SLCO3A1: variants seen among roughly 807,000 people sequenced by gnomAD.
The protein encoded by SLCO3A1 is PGE1 transporter.
SLCO3A1 carries 27 observed loss-of-function variants against 63.1 expected under a neutral mutation model. That is an observed-to-expected ratio of 0.43 (90% CI 0.32 to 0.59). SLCO3A1 has a LOEUF of 0.59. Among genes scored for constraint, SLCO3A1 ranks in the 20% least tolerant of loss-of-function variants. The pLI is 0.09. For missense variants in SLCO3A1, 773 were observed against 945.8 expected, an observed-to-expected ratio of 0.82 and a Z score of 2.40; for synonymous variants, 473 against 409.9, an observed-to-expected ratio of 1.15 and a Z score of -1.86.
At chr15:91,993,332 A>G (rs1222172822) in intron 2 of SLCO3A1, among the ~76,000 whole-genome samples, 1 of 152,228 alleles carries the variant, frequency 6.6e-6, no homozygotes, top group African/African-American at 2.4e-5. Context: ...AAAGTTACAG[A>G]GCACTTTTGG....
At position 91,853,959 on chromosome 15, in the gene SLCO3A1, G is replaced by A. The variant is rs778504539; in HGVS notation, c.51G>A (p.Glu17=). 3.4e-6 allele frequency: 5 copies of A among 1,487,502 alleles called. No homozygotes were observed. The highest frequency in any genetic ancestry group is 3.6e-6 in the Non-Finnish European group (4 of 1,114,380). The allele number at this position is 1,487,502 out of a possible 1,614,324, so 92.1% of individuals were successfully genotyped here. Residue 17 remains glutamate (E), a synonymous_variant, in exon 1 of 10, where the codon GAG becomes GAA. Coordinates refer to ENST00000318445, the MANE Select transcript of SLCO3A1 (RefSeq NM_013272.4). ...GGSSGGGRSG[E]LQGDEAQRNK... ...CGTCGGGCGGCGGCCGGAGCGGCGA[G>A]CTGCAGGGGGACGAGGCGCAGAGGA... is the stretch of plus-strand genomic sequence containing the variant.
chr15:91,935,935 A>C (rs370555537), intron 2 of SLCO3A1, among the ~76,000 whole-genome samples: 13 of 152,208 alleles, frequency 8.5e-5, no homozygotes, highest in African/African-American at 3.1e-4. Flanking sequence ...TAATTATTAA[A>C]GTTTGCACAG....
intron 4 of SLCO3A1, among the ~76,000 whole-genome samples, chr15:92,119,175 G>T (rs1361864318): frequency 1.3e-5 from 2 of 152,192 alleles, no homozygotes; most frequent in East Asian, 3.8e-4. Flanking sequence ...AGACTTGGCT[G>T]AAGACCACAT....
chr15:92,146,382 C>G (rs1259363728), intron 7 of SLCO3A1, among the ~76,000 whole-genome samples: 2 of 152,210 alleles, frequency 1.3e-5, no homozygotes, highest in African/African-American at 4.8e-5. Flanking sequence ...GCTCTGCTCC[C>G]CACGAGCTGC....
At chr15:92,003,252 C>T (rs71411124) in intron 2 of SLCO3A1, among the ~76,000 whole-genome samples, 18,464 of 152,164 alleles carry the variant, frequency 0.12, 1,187 homozygotes, top group Non-Finnish European at 0.14. Flanking sequence ...AAATGTTTGT[C>T]GAGTGCACTT....
intron 8 of SLCO3A1, chr15:92,149,831 C>T (rs543122119): frequency 6.6e-6 from 1 of 152,306 alleles, no homozygotes; most frequent in South Asian, 2.1e-4. Flanking sequence ...ACTCATTATA[C>T]CAGTGTGCTT....
intron 2 of SLCO3A1, among the ~76,000 whole-genome samples, chr15:92,024,237 GT>G (rs1165260853): frequency 3.9e-5 from 6 of 151,986 alleles, no homozygotes; most frequent in Non-Finnish European, 5.9e-5. Flanking sequence ...TCATCTCAGT[GT>G]TTTTTTTCTT....
In SLCO3A1 at chr15:92,165,157, A is replaced by T; in HGVS notation, c.*2022A>T. On this transcript the variant is annotated 3_prime_UTR_variant, in exon 10 of 10. Coordinates refer to ENST00000318445, the MANE Select transcript of SLCO3A1 (RefSeq NM_013272.4). ...GGCACTCAGCAAGACCAACCAAAAG[A>T]AAAGCTGTGTCGTGGTATGGGGCCA... The T allele has an allele frequency of 1.0e-6, 1 of 985,442 alleles. No individual in the cohort carries two copies. Among genetic ancestry groups the T allele is most frequent in the Non-Finnish European group, 1.2e-6 (1 of 829,940 alleles). The allele number at this position is 985,442 out of a possible 1,614,324, so 61.0% of individuals were successfully genotyped here.
intron 9 of SLCO3A1, among the ~76,000 whole-genome samples, chr15:92,157,570 A>G (rs1041991445): frequency 6.0e-5 from 9 of 151,210 alleles, no homozygotes; most frequent in Non-Finnish European, 8.8e-5. Context: ...GGCTCACTGC[A>G]ATCTCTGCCT....
intron 2 of SLCO3A1, among the ~76,000 whole-genome samples, chr15:92,092,551 T>C (rs1310394794): frequency 6.6e-6 from 1 of 152,090 alleles, no homozygotes; most frequent in Non-Finnish European, 1.5e-5. Flanking sequence ...TACCACAGCC[T>C]GCAGCCTGGA....
Position 92,144,187 on chromosome 15 carries a change from C to G in SLCO3A1, c.1513-2797C>G, listed in dbSNP as rs368493187. On this transcript the variant is annotated intron_variant, in intron 7 of 9. Transcript: ENST00000318445. ...TACCCTTCACAGTTCCCAGTTGGGA[C>G]AGACCCCTGTAACCTAAGACAGATT... is the stretch of plus-strand genomic sequence containing the variant. 2.0e-3 allele frequency among the ~76,000 whole-genome samples: 303 copies of G among 152,346 alleles called. 1 individual carries two copies. The highest frequency in any genetic ancestry group is 6.9e-3 in the African/African-American group (289 of 41,586).
intron 7 of SLCO3A1, among the ~76,000 whole-genome samples, chr15:92,142,109 C>A (rs960133630): frequency 6.6e-5 from 10 of 152,220 alleles, no homozygotes; most frequent in Non-Finnish European, 1.2e-4. Flanking sequence ...TTGCCTAGAA[C>A]CTTTAGGAGA....
At chr15:92,126,833 T>G (rs1375458281) in intron 6 of SLCO3A1, among the ~76,000 whole-genome samples, 2 of 152,226 alleles carry the variant, frequency 1.3e-5, no homozygotes, top group Non-Finnish European at 2.9e-5. Flanking sequence ...GAGGGAATTA[T>G]GGGGAGTCTT....
chr15:91,932,480 C>G (rs1417501580), intron 2 of SLCO3A1, among the ~76,000 whole-genome samples: 1 of 151,826 alleles, frequency 6.6e-6, no homozygotes, highest in East Asian at 1.9e-4. Flanking sequence ...GGGTCTTGCT[C>G]TATTGCCCAG....
rs2048467896 is a variant in SLCO3A1 at position 92,163,584 on chromosome 15, CAT to C, written c.*450_*451del. The C allele has an allele frequency of 1.0e-6, 1 of 983,706 alleles. No individual in the cohort carries two copies. The highest frequency in any genetic ancestry group is 1.2e-6 in the Non-Finnish European group (1 of 829,412). 60.9% of individuals were successfully genotyped at this position (983,706 alleles called of 1,614,324 possible). A position where few individuals can be genotyped will look rare whatever the true frequency, so the allele number is the denominator to read the frequency against. ...AAAAAAAAAACCCACAAGTTGAAAA[CAT>C]TGCCAGATTAAGCACTAGTGACACA... is the stretch of plus-strand genomic sequence containing the variant. On this transcript the variant is annotated 3_prime_UTR_variant, in exon 10 of 10. Coordinates refer to ENST00000318445, the MANE Select transcript of SLCO3A1 (RefSeq NM_013272.4).
chr15:92,099,075 T>A (rs2047573150), intron 3 of SLCO3A1, among the ~76,000 whole-genome samples: 1 of 152,228 alleles, frequency 6.6e-6, no homozygotes, highest in Non-Finnish European at 1.5e-5. Context: ...AAGGCCTTGC[T>A]GAGATGGCCT....
chr15:91,929,222 G>T (rs1899137313), intron 2 of SLCO3A1, among the ~76,000 whole-genome samples: 1 of 152,196 alleles, frequency 6.6e-6, no homozygotes, highest in Non-Finnish European at 1.5e-5. Flanking sequence ...GTTACACGAT[G>T]GATGGATTGG....
At chr15:91,855,975 G>C (rs954376306) in intron 1 of SLCO3A1, among the ~76,000 whole-genome samples, 8 of 152,016 alleles carry the variant, frequency 5.3e-5, no homozygotes, top group African/African-American at 1.7e-4. Flanking sequence ...CGGTTGCAGT[G>C]ATCTAAGGAT....
At chr15:92,101,092 C>G (rs530983309) in intron 3 of SLCO3A1, among the ~76,000 whole-genome samples, 2 of 152,182 alleles carry the variant, frequency 1.3e-5, no homozygotes, top group Non-Finnish European at 2.9e-5. Flanking sequence ...CCTCTTCCAG[C>G]CACACAGAGA....
Sources: allele counts gnomAD v4.1 joint callset (sites outside exome capture counted in the v4.1 genomes callset), GRCh38; gene constraint gnomAD v4.1.1; transcripts MANE v1.5; gene names NCBI Gene and HGNC (gene_info 2026-07-23, HGNC 2026-07-21).